The following DIS3L2 variants were observed in gnomAD, a reference collection of about 807,000 sequenced individuals.
DIS3L2 encodes the protein DIS3-like exonuclease 2.
DIS3L2 carries 34 observed loss-of-function variants against 97.5 expected under a neutral mutation model. That is an observed-to-expected ratio of 0.35 (90% CI 0.27 to 0.46). DIS3L2 has a LOEUF of 0.46. Among genes scored for constraint, DIS3L2 ranks in the 20% least tolerant of loss-of-function variants. DIS3L2 has a pLI of 1.00. For synonymous variants in DIS3L2, 435 were observed against 445.2 expected, an observed-to-expected ratio of 0.98 and a Z score of 0.29; for missense variants, 1,038 against 1,146.0, an observed-to-expected ratio of 0.91 and a Z score of 1.36.
chr2:232,127,433 A>G (rs545261007), intron 6 of DIS3L2, among the ~76,000 whole-genome samples: 2 of 152,296 alleles, frequency 1.3e-5, no homozygotes, highest in Admixed American at 6.5e-5. Context: ...AATTATCACC[A>G]AGACTATTCA....
intron 13 of DIS3L2, among the ~76,000 whole-genome samples, chr2:232,265,274 T>C (rs1474944874): frequency 6.6e-6 from 1 of 152,194 alleles, no homozygotes; most frequent in African/African-American, 2.4e-5. Flanking sequence ...TGTCCACCAC[T>C]TTAGGGTTGG....
At chr2:232,308,792 G>C (rs1695047531) in intron 14 of DIS3L2, among the ~76,000 whole-genome samples, 1 of 152,144 alleles carries the variant, frequency 6.6e-6, no homozygotes, top group African/African-American at 2.4e-5. Flanking sequence ...CTGCCCGTGG[G>C]GGCTTAGCCT....
At chr2:232,331,342 G>T (rs1695730168) in intron 16 of DIS3L2, among the ~76,000 whole-genome samples, 1 of 152,208 alleles carries the variant, frequency 6.6e-6, no homozygotes, top group Admixed American at 6.5e-5. Context: ...GACCCCAGAG[G>T]ACCCTCGGGT....
chr2:231,999,513 A>G lies in DIS3L2; in HGVS notation c.-93-15322A>G, dbSNP rs556347391. Among the ~76,000 whole-genome samples, 9 of 152,282 alleles carry G rather than the reference A, an allele frequency of 5.9e-5. No individual in the cohort carries two copies. The South Asian group carries it at 6.2e-4, about 11-fold the overall frequency. The stretch of plus-strand genomic sequence containing the variant: ...ATATCTCCAGTTCCATTTCGATTCT[A>G]GCCTTTCCACTTTTCCATATTTGTA... On this transcript the variant is annotated intron_variant, in intron 1 of 20. Transcript: ENST00000325385.
rs56213441 is a variant in DIS3L2 at position 232,157,092 on chromosome 2, GT to G, written c.951-6359del. 1.0e-3 allele frequency among the ~76,000 whole-genome samples: 156 copies of G among 151,958 alleles called. 1 individual carries two copies. Among genetic ancestry groups the G allele is most frequent in the East Asian group, 6.9e-3 (36 of 5,180 alleles). On this transcript the variant is annotated intron_variant, in intron 8 of 20. Coordinates refer to ENST00000325385, the MANE Select transcript of DIS3L2 (RefSeq NM_152383.5). ...CTCAGTTGGCTTGAGTTGCACATAA[GT>G]TTTTTTTGGGAAGGAAAGTACATAG...
chr2:232,155,708 TGGCCAGGCGTG>T (rs1690470574), intron 8 of DIS3L2, among the ~76,000 whole-genome samples: 2 of 152,202 alleles, frequency 1.3e-5, no homozygotes, highest in African/African-American at 4.8e-5. Flanking sequence ...AAATGTTTTC[TGGCCAGGCGTG>T]GTGGCTCACG....
chr2:232,329,785 T>TACCCGGGGGGGCCCC, intron 14 of DIS3L2, 28 bp from the exon 15 acceptor site: 1 of 967,144 alleles, frequency 1.0e-6, no homozygotes, highest in Non-Finnish European at 1.5e-6. Context: ...ACCCCAGCGG[T>TACCCGGGGGGGCCCC]CCCTCCCATC....
At chr2:231,988,543 C>T (rs1266077314) in intron 1 of DIS3L2, among the ~76,000 whole-genome samples, 2 of 152,180 alleles carry the variant, frequency 1.3e-5, no homozygotes, top group Admixed American at 6.5e-5. Flanking sequence ...TTGAATAACA[C>T]TAGACTTCTC....
intron 11 of DIS3L2, among the ~76,000 whole-genome samples, chr2:232,248,016 T>G (rs1265610681): frequency 1.3e-5 from 2 of 152,218 alleles, no homozygotes; most frequent in Non-Finnish European, 2.9e-5. Context: ...TTAAAAGACA[T>G]GACATTCTTT....
intron 1 of DIS3L2, among the ~76,000 whole-genome samples, chr2:232,007,208 C>T (rs1163407312): frequency 6.6e-6 from 1 of 152,092 alleles, no homozygotes; most frequent in African/African-American, 2.4e-5. Context: ...ATGAAGAACA[C>T]ACATTAAGAG....
intron 14 of DIS3L2, 24 bp from the exon 15 acceptor site, chr2:232,329,789 T>TTGCCAAAC: frequency 5.4e-6 from 2 of 368,622 alleles, no homozygotes; most frequent in East Asian, 7.6e-5. Context: ...CAGCGGTCCC[T>TTGCCAAAC]CCCATCCCAC....
intron 6 of DIS3L2, among the ~76,000 whole-genome samples, chr2:232,118,340 A>G (rs3116165): frequency 0.47 from 70,996 of 152,096 alleles, 18,986 homozygotes; most frequent in Non-Finnish European, 0.61. Flanking sequence ...ATTGGGGACC[A>G]TAGTAGAGTC....
At chr2:231,970,422 A>G (rs1692870342) in intron 1 of DIS3L2, among the ~76,000 whole-genome samples, 1 of 152,206 alleles carries the variant, frequency 6.6e-6, no homozygotes, top group Non-Finnish European at 1.5e-5. Context: ...CACCTAGGCT[A>G]TATGGTAAAG....
At chr2:232,000,716 C>CT (rs1420197870) in intron 1 of DIS3L2, among the ~76,000 whole-genome samples, 1 of 105,434 alleles carries the variant, frequency 9.5e-6, no homozygotes, top group Non-Finnish European at 2.0e-5. Flanking sequence ...TTCTTTCTTT[C>CT]TTCTTCTTCT....
At chr2:232,306,278 A>G (rs1411773473) in intron 14 of DIS3L2, among the ~76,000 whole-genome samples, 2 of 152,226 alleles carry the variant, frequency 1.3e-5, no homozygotes, top group South Asian at 2.1e-4. Flanking sequence ...TCAAAGACCA[A>G]CAGCTCCCAG....
At chr2:232,019,314 G>A (rs746709563) in intron 3 of DIS3L2, among the ~76,000 whole-genome samples, 1 of 152,140 alleles carries the variant, frequency 6.6e-6, no homozygotes, top group African/African-American at 2.4e-5. Context: ...CACTTTAGAA[G>A]GCTAGGGTGG....
In DIS3L2 at chr2:232,002,525, A is replaced by G. The variant is rs75557234; in HGVS notation, c.-93-12310A>G. Among the ~76,000 whole-genome samples the G allele has an allele frequency of 3.7e-3, 563 of 152,284 alleles. 4 individuals carry two copies. Among genetic ancestry groups the G allele is most frequent in the African/African-American group, 0.013 (524 of 41,560 alleles). On this transcript the variant is annotated intron_variant, in intron 1 of 20. Transcript: ENST00000325385. ...TATCTTTCCATTTTTTGGTGTCTTC[A>G]GTTTATTTCATTAACATTTGTTGTG...
At chr2:232,053,829 T>C (rs1044922296) in intron 5 of DIS3L2, among the ~76,000 whole-genome samples, 1 of 152,152 alleles carries the variant, frequency 6.6e-6, no homozygotes, top group Non-Finnish European at 1.5e-5. Flanking sequence ...CTTTCTGAAC[T>C]CATTTATGGT....
intron 19 of DIS3L2, 99 bp downstream of exon 19, chr2:232,334,834 C>T: frequency 1.0e-6 from 1 of 991,854 alleles, no homozygotes. Context: ...ACCCCTCGCT[C>T]CCCCAGCCCT....
Sources: gnomAD v4.1 joint callset for allele counts (sites outside exome capture counted in the v4.1 genomes callset) on GRCh38, gnomAD v4.1.1 for gene constraint, MANE v1.5 for transcripts, NCBI Gene and HGNC (gene_info 2026-07-23, HGNC 2026-07-21) for gene names.